Variants in C20orf202 observed in about 807,000 individuals in gnomAD.
The protein encoded by C20orf202 is uncharacterized protein C20orf202.
A neutral mutation model predicts 5.3 loss-of-function variants in C20orf202; 5 were observed. The observed-to-expected ratio is 0.94, with a 90% CI of 0.49 to 1.98. C20orf202 has a LOEUF of 1.98. C20orf202 is among the 30% of genes most tolerant of loss of function. C20orf202 has a pLI of 0.01. For synonymous variants in C20orf202, 48 were observed against 50.0 expected (o/e 0.96, Z 0.16); for missense variants, 135 against 123.5 (o/e 1.09, Z -0.44).
At chr20:1,205,986 G>A (rs758951929) in intron 1 of C20orf202, among the ~76,000 whole-genome samples, 3 of 151,882 alleles carry the variant, frequency 2.0e-5, no homozygotes, top group Non-Finnish European at 4.4e-5. Context: ...CCAGGAGCTC[G>A]AGGCTGCAGT....
chr20:1,207,137 C>A lies in C20orf202; in HGVS notation c.*35C>A. 7.5e-7 allele frequency: 1 copy of A among 1,332,628 alleles called. No individual in the cohort carries two copies. Among genetic ancestry groups the A allele is most frequent in the Non-Finnish European group, 1.0e-6 (1 of 992,956 alleles). The allele number at this position is 1,332,628 out of a possible 1,614,324, so 82.6% of individuals were successfully genotyped here. On this transcript the variant is annotated 3_prime_UTR_variant, in exon 2 of 2. Coordinates refer to ENST00000400633, the MANE Select transcript of C20orf202 (RefSeq NM_001394958.1). Reference sequence around the variant, plus strand: ...GATGACACTGGGCTTTAACACTCTCCCCATTAGTCTAACCTTTCACTGTGA... The same window carrying A: ...GATGACACTGGGCTTTAACACTCTCACCATTAGTCTAACCTTTCACTGTGA...
chr20:1,207,331 G>A lies in C20orf202; in HGVS notation c.*229G>A, dbSNP rs896615758. 10 of 416,236 alleles carry A rather than the reference G, an allele frequency of 2.4e-5. No individual in the cohort carries two copies. Among genetic ancestry groups the A allele is most frequent in the African/African-American group, 6.0e-5 (3 of 50,372 alleles). 25.8% of individuals were successfully genotyped at this position (416,236 alleles called of 1,614,324 possible). A position where few individuals can be genotyped will look rare whatever the true frequency, so the allele number is the denominator to read the frequency against. On this transcript the variant is annotated 3_prime_UTR_variant, in exon 2 of 2. Transcript: ENST00000400633. ...GTGAGGCACACATAAGGTATTGGAT[G>A]TGAACACACTTTTCGACTGAAAACA...
In C20orf202 at chr20:1,206,891, A is replaced by G. The variant is rs1350723441; in HGVS notation, c.89A>G (p.Gln30Arg). Residue 30 changes from glutamine (Q) to arginine (R), a missense_variant, in exon 2 of 2, where the codon CAG becomes CGG. Transcript: ENST00000400633. ...KELSEMQIQDQSLLLTLRHLH... is the reference protein window; with the variant it reads ...KELSEMQIQDRSLLLTLRHLH... The stretch of plus-strand genomic sequence containing the variant: ...TAGTCTGAGATGCAGATTCAAGATC[A>G]GAGTCTCCTGCTCACACTGAGGCAT... 11 of 1,534,228 alleles carry G rather than the reference A, an allele frequency of 7.2e-6. 1 individual carries two copies. The highest frequency in any genetic ancestry group is 6.0e-5 in the South Asian group (5 of 83,494).
At position 1,208,405 on chromosome 20, in the gene C20orf202, G is replaced by A. The variant is rs533304308; in HGVS notation, c.*1303G>A. The A allele has an allele frequency of 4.6e-5, 7 of 152,290 alleles. No individual in the cohort carries two copies. Among genetic ancestry groups the A allele is most frequent in the African/African-American group, 1.7e-4 (7 of 41,552 alleles). 9.4% of individuals were successfully genotyped at this position (152,290 alleles called of 1,614,324 possible). ...GCAGAGTGGAGGGGGTGCATTATAA[G>A]TATAATGTTTGTAGTCAGATCAACC... is the stretch of plus-strand genomic sequence containing the variant. On this transcript the variant is annotated 3_prime_UTR_variant, in exon 2 of 2. Coordinates refer to ENST00000400633, the MANE Select transcript of C20orf202 (RefSeq NM_001394958.1).
chr20:1,203,620 G>C lies in C20orf202; in HGVS notation c.35G>C (p.Gly12Ala), dbSNP rs764633514. The change falls in exon 1 of 2, where the codon GGG becomes GCG. Residue 12 changes from glycine (G) to alanine (A), a missense_variant. Gly to Ala is a moderately conservative substitution (Grantham distance 60). Transcript: ENST00000400633. ...KIAEEPSPSLGQTLEWLRKEL... is the reference protein window; with the variant it reads ...KIAEEPSPSLAQTLEWLRKEL... Reference sequence around the variant, plus strand: ...GCAGAAGAGCCCAGCCCGAGTCTTGGGCAGACCTTGGAGTGGCTGAGAAAG... The same window carrying C: ...GCAGAAGAGCCCAGCCCGAGTCTTGCGCAGACCTTGGAGTGGCTGAGAAAG... 1 of 1,551,424 alleles carries C rather than the reference G, an allele frequency of 6.4e-7. No homozygotes were observed. Among genetic ancestry groups the C allele is most frequent in the South Asian group, 1.2e-5 (1 of 84,000 alleles).
At chr20:1,205,218 G>T (rs539338397) in intron 1 of C20orf202, among the ~76,000 whole-genome samples, 2 of 150,726 alleles carry the variant, frequency 1.3e-5, no homozygotes, top group African/African-American at 4.9e-5. Context: ...TGATTCCCCT[G>T]CCTCGGCCTC....
chr20:1,205,192 G>T (rs1057323355), intron 1 of C20orf202, among the ~76,000 whole-genome samples: 1 of 147,232 alleles, frequency 6.8e-6, no homozygotes, highest in Non-Finnish European at 1.5e-5. Context: ...TACAACCTCC[G>T]CCTCCTGGGT....
intron 1 of C20orf202, among the ~76,000 whole-genome samples, chr20:1,205,754 A>G (rs887032998): frequency 1.3e-5 from 2 of 152,260 alleles, no homozygotes; most frequent in African/African-American, 2.4e-5. Flanking sequence ...TAAATTTTCT[A>G]TCATGTGTTA....
intron 1 of C20orf202, among the ~76,000 whole-genome samples, chr20:1,203,996 A>G (rs2087121585): frequency 6.6e-6 from 1 of 152,096 alleles, no homozygotes; most frequent in African/African-American, 2.4e-5. Flanking sequence ...AATAGTACCA[A>G]TATCATATGG....
At chr20:1,206,845 T>C in intron 1 of C20orf202, 24 bp from the exon 2 acceptor site, 1 of 1,466,808 alleles carries the variant, frequency 6.8e-7, no homozygotes, top group Non-Finnish European at 9.2e-7. Flanking sequence ...ACGCATCCCC[T>C]CACAGGCTCC....
intron 1 of C20orf202, 95 bp downstream of exon 1, chr20:1,203,746 G>T: frequency 1.4e-6 from 2 of 1,380,450 alleles, no homozygotes; most frequent in South Asian, 1.5e-5. Flanking sequence ...GGCAGAGGCT[G>T]CAGGCTACGG....
chr20:1,206,267 T>C (rs1052779277), intron 1 of C20orf202, among the ~76,000 whole-genome samples: 8 of 152,188 alleles, frequency 5.3e-5, no homozygotes, highest in Non-Finnish European at 1.5e-5. Context: ...GAGTTATATA[T>C]AACAATACTG....
intron 1 of C20orf202, among the ~76,000 whole-genome samples, chr20:1,206,047 C>T (rs531793749): frequency 1.5e-4 from 22 of 151,140 alleles, no homozygotes; most frequent in Admixed American, 6.6e-4. Flanking sequence ...AGTGAGACCC[C>T]GCCTCAAAAA....
chr20:1,205,621 A>G (rs1180949475), intron 1 of C20orf202, among the ~76,000 whole-genome samples: 1 of 152,176 alleles, frequency 6.6e-6, no homozygotes, highest in African/African-American at 2.4e-5. Flanking sequence ...TGTTGCCCCG[A>G]CCAGCTTTGG....
In C20orf202 at chr20:1,203,653, T is replaced by C. The variant is rs200938762; in HGVS notation, c.66+2T>C. ...TTGGAGTGGCTGAGAAAGGAGCTGG[T>C]AAGGTTTTGCATTGCTTTTCCTTGA... On this transcript the variant is annotated splice_donor_variant, in intron 1 of 1. Coordinates refer to ENST00000400633, the MANE Select transcript of C20orf202 (RefSeq NM_001394958.1). LOFTEE classifies it high-confidence loss of function. 9.0e-4 allele frequency: 1,393 copies of C among 1,540,596 alleles called. 2 individuals carry two copies. The highest frequency in any genetic ancestry group is 4.0e-3 in the Middle Eastern group (23 of 5,780).
rs1235893065 is a variant in C20orf202, at chr20:1,206,979, C to A, written c.177C>A (p.Ser59Arg). 5 of 1,551,492 alleles carry A rather than the reference C, an allele frequency of 3.2e-6. No individual in the cohort carries two copies. Among genetic ancestry groups the A allele is most frequent in the Admixed American group, 2.0e-5 (1 of 50,976 alleles). Reference sequence around the variant, plus strand: ...CCCACTGGGAGGACGCCAGGTCCAGCGGAGGGACATCCCCCATCAGAGCTC... The same window carrying A: ...CCCACTGGGAGGACGCCAGGTCCAGAGGAGGGACATCCCCCATCAGAGCTC... ...DSAHWEDARS[S>R]GGTSPIRARA... Residue 59 changes from serine (S) to arginine (R), a missense_variant, in exon 2 of 2, where the codon AGC (serine) becomes AGA (arginine). Transcript: ENST00000400633.
In C20orf202 at chr20:1,207,020, G is replaced by T. The variant is rs1445129377; in HGVS notation, c.218G>T (p.Gly73Val). 6.5e-7 allele frequency: 1 copy of T among 1,550,182 alleles called. No homozygotes were observed. Among genetic ancestry groups the T allele is most frequent in the East Asian group, 2.4e-5 (1 of 40,894 alleles). ...SPIRARAGSE[G>V]RGCQPVCSRG... ...ATCAGAGCTCGAGCGGGCTCCGAAG[G>T]CAGGGGCTGCCAGCCGGTTTGCTCA... is the stretch of plus-strand genomic sequence containing the variant. Residue 73 changes from glycine (G) to valine (V), a missense_variant, in exon 2 of 2, where the codon GGC becomes GTC. By Grantham distance (109) the Gly-to-Val change is moderately radical. Coordinates refer to ENST00000400633, the MANE Select transcript of C20orf202 (RefSeq NM_001394958.1).
In C20orf202 at chr20:1,207,612, G is replaced by A. The variant is rs976230718; in HGVS notation, c.*510G>A. 6.6e-6 allele frequency: 1 copy of A among 152,278 alleles called. No homozygotes were observed. The highest frequency in any genetic ancestry group is 2.4e-5 in the African/African-American group (1 of 41,434). The allele number at this position is 152,278 out of a possible 1,614,324, so 9.4% of individuals were successfully genotyped here. ...GGCCATAGGCATGGGTATATTACCA[G>A]GCCTGGCCAATGATATAATTCATGG... On this transcript the variant is annotated 3_prime_UTR_variant, in exon 2 of 2. Transcript: ENST00000400633.
rs1474385992 is a variant in C20orf202, at chr20:1,206,851, G to T, written c.67-18G>T. The T allele has an allele frequency of 1.3e-6, 2 of 1,484,408 alleles. No individual in the cohort carries two copies. The highest frequency in any genetic ancestry group is 2.1e-5 in the Admixed American group (1 of 46,794). The allele number at this position is 1,484,408 out of a possible 1,614,324, so 92.0% of individuals were successfully genotyped here. On this transcript the variant is annotated intron_variant, in intron 1 of 1. Transcript: ENST00000400633. ...CAGGGCTCCACGCATCCCCTCACAG[G>T]CTCCTTCTCTCTCCTAGTCTGAGAT... is the stretch of plus-strand genomic sequence containing the variant.
Sources: allele counts gnomAD v4.1 joint callset (sites outside exome capture counted in the v4.1 genomes callset), GRCh38; gene constraint gnomAD v4.1.1; transcripts MANE v1.5; gene names NCBI Gene and HGNC (gene_info 2026-07-23, HGNC 2026-07-21).